ST3GAL2: variants seen among roughly 807,000 people sequenced by gnomAD.
ST3GAL2 encodes ST3 beta-galactoside alpha-2,3-sialyltransferase 2, also known as CMP-N-acetylneuraminate-beta-galactosamide-alpha-2,3-sialyltransferase 2.
In ST3GAL2, 16 loss-of-function variants were observed where a neutral mutation model predicts 37.5. That is an observed-to-expected ratio of 0.43 (90% CI 0.29 to 0.65). The LOEUF (loss-of-function observed/expected upper bound fraction) is 0.65. Among genes scored for constraint, ST3GAL2 ranks in the 30% least tolerant of loss-of-function variants. ST3GAL2 has a pLI of 0.17. For missense variants in ST3GAL2, 383 were observed against 487.8 expected (o/e 0.79, Z 2.02); for synonymous variants, 238 against 202.9 (o/e 1.17, Z -1.47).
chr16:70,381,913 G>T (rs370359971), intron 6 of ST3GAL2, 51 bp from the exon 7 acceptor site: 6 of 1,602,768 alleles, frequency 3.7e-6, no homozygotes, highest in Non-Finnish European at 5.1e-6. Context: ...CTGGAGGATG[G>T]CGCGGGGCGG....
At chr16:70,397,581 C>T (rs2151663432) in intron 2 of ST3GAL2, among the ~76,000 whole-genome samples, 1 of 151,830 alleles carries the variant, frequency 6.6e-6, no homozygotes, top group South Asian at 2.1e-4. Flanking sequence ...AAAAAATTAG[C>T]TGAGAGGGGT....
Position 70,381,776 on chromosome 16 carries a change from C to T in ST3GAL2, c.966G>A (p.Lys322=). 1 of 1,614,108 alleles carries T rather than the reference C, an allele frequency of 6.2e-7. No homozygotes were observed. Among genetic ancestry groups the T allele is most frequent in the Non-Finnish European group, 8.5e-7 (1 of 1,179,958 alleles). Residue 322 remains lysine, a synonymous_variant, in exon 7 of 7, where the codon AAG becomes AAA. Coordinates refer to ENST00000342907, the MANE Select transcript of ST3GAL2 (RefSeq NM_006927.4). ...ENNRYAGEFR[K]TGVHDADFEA... ...CGAAGTCCGCGTCGTGCACGCCAGTCTTCCGGAACTCGCCCGCGTACCGGT... is the reference window on the plus strand; with the variant it reads ...CGAAGTCCGCGTCGTGCACGCCAGTTTTCCGGAACTCGCCCGCGTACCGGT...
intron 3 of ST3GAL2, among the ~76,000 whole-genome samples, chr16:70,389,022 C>T (rs1288139087): frequency 3.5e-5 from 5 of 143,104 alleles, no homozygotes; most frequent in Admixed American, 2.1e-4. Context: ...TGCAGTGAGC[C>T]GACATCGCAC....
chr16:70,427,458 C>A (rs1178491756), intron 1 of ST3GAL2, among the ~76,000 whole-genome samples: 2 of 152,054 alleles, frequency 1.3e-5, no homozygotes, highest in Middle Eastern at 3.4e-3. Context: ...CCTGCCTCAG[C>A]CTCCCAAGTA....
Position 70,398,214 on chromosome 16 carries a change from G to A in ST3GAL2, c.317C>T (p.Pro106Leu), listed in dbSNP as rs532088665. The change falls in exon 2 of 7, where the codon CCG (proline) becomes CTG (leucine). Residue 106 changes from proline (P) to leucine (L), a missense_variant. Physicochemically the swap from Pro to Leu is moderately conservative, Grantham distance 98. Coordinates refer to ENST00000342907, the MANE Select transcript of ST3GAL2 (RefSeq NM_006927.4). ...VWTRENMDLP[P>L]DVQRWWMMLQ... Reference sequence around the variant, plus strand: ...TACCATCCACCACCTCTGGACGTCCGGTGGAAGATCCATGTTCTCTCGGGT... The same window carrying A: ...TACCATCCACCACCTCTGGACGTCCAGTGGAAGATCCATGTTCTCTCGGGT... 2.2e-5 allele frequency: 36 copies of A among 1,613,202 alleles called. No homozygotes were observed. Among genetic ancestry groups the A allele is most frequent in the Admixed American group, 6.7e-5 (4 of 60,022 alleles).
chr16:70,388,426 G>A lies in ST3GAL2; in HGVS notation c.654C>T (p.Pro218=), dbSNP rs2047457653. ...TCCACAGAAGGTCCAGGACCTTGAAGGGCACCAGCACGAAGCTGACGTTGG... is the reference window on the plus strand; with the variant it reads ...TCCACAGAAGGTCCAGGACCTTGAAAGGCACCAGCACGAAGCTGACGTTGG... ...LPANVSFVLV[P]FKVLDLLWIA... The change falls in exon 4 of 7, where the codon CCC becomes CCT. Residue 218 remains proline (P), a synonymous_variant. Transcript: ENST00000342907. 1 of 1,614,196 alleles carries A rather than the reference G, an allele frequency of 6.2e-7. No homozygotes were observed. Among genetic ancestry groups the A allele is most frequent in the Non-Finnish European group, 8.5e-7 (1 of 1,180,042 alleles).
chr16:70,396,803 C>A (rs1181211077), intron 2 of ST3GAL2, among the ~76,000 whole-genome samples: 1 of 152,136 alleles, frequency 6.6e-6, no homozygotes, highest in Non-Finnish European at 1.5e-5. Context: ...GTGTGGCAAC[C>A]AGATGGCCTG....
chr16:70,412,249 G>C (rs1208352807), intron 1 of ST3GAL2, among the ~76,000 whole-genome samples: 1 of 152,204 alleles, frequency 6.6e-6, no homozygotes, highest in African/African-American at 2.4e-5. Flanking sequence ...GCTTCTCTAA[G>C]ACATTCTTCT....
Position 70,395,079 on chromosome 16 carries a change from G to A in ST3GAL2, c.436C>T (p.Pro146Ser). ...ACGGCACAGCGCCGGCACTGGTGGGGGTCCCGGAAGCGGTAGGGGTTCTCG... is the reference window on the plus strand; with the variant it reads ...ACGGCACAGCGCCGGCACTGGTGGGAGTCCCGGAAGCGGTAGGGGTTCTCG... Reference protein sequence around the residue: ...PGENPYRFRDPHQCRRCAVVG... With the variant: ...PGENPYRFRDSHQCRRCAVVG... The change falls in exon 3 of 7, where the codon CCC becomes TCC. Residue 146 changes from proline to serine, a missense_variant. By Grantham distance (74) the Pro-to-Ser change is moderately conservative. Around this residue, in one of 2 missense-constraint regions of ST3GAL2, gnomAD observed 223 missense variants for 239.1 expected, o/e 0.93. Coordinates refer to ENST00000342907, the MANE Select transcript of ST3GAL2 (RefSeq NM_006927.4). 1 of 1,613,988 alleles carries A rather than the reference G, an allele frequency of 6.2e-7. No homozygotes were observed. Among genetic ancestry groups the A allele is most frequent in the African/African-American group, 1.3e-5 (1 of 75,072 alleles).
intron 1 of ST3GAL2, among the ~76,000 whole-genome samples, chr16:70,424,652 A>G (rs1359832677): frequency 6.6e-6 from 1 of 152,208 alleles, no homozygotes; most frequent in East Asian, 1.9e-4. Flanking sequence ...TGCCAATGAA[A>G]TGGAAAATGG....
intron 1 of ST3GAL2, among the ~76,000 whole-genome samples, chr16:70,413,941 G>A (rs1567673974): frequency 6.6e-6 from 1 of 152,066 alleles, no homozygotes; most frequent in Non-Finnish European, 1.5e-5. Flanking sequence ...GAGACCAGCA[G>A]GCCTGCAGCT....
chr16:70,394,855 C>CT, intron 3 of ST3GAL2, 127 bp downstream of exon 3: 1 of 1,072,732 alleles, frequency 9.3e-7, no homozygotes. Context: ...GTGAAAGACT[C>CT]TGGGAGGCAG....
chr16:70,383,848 T>A (rs2047423482), intron 4 of ST3GAL2, among the ~76,000 whole-genome samples: 1 of 151,120 alleles, frequency 6.6e-6, no homozygotes, highest in African/African-American at 2.4e-5. Context: ...GCATCCAAGA[T>A]AAAATGGGAA....
intron 1 of ST3GAL2, among the ~76,000 whole-genome samples, chr16:70,418,029 A>G (rs1440039717): frequency 6.6e-6 from 1 of 152,186 alleles, no homozygotes; most frequent in East Asian, 1.9e-4. Flanking sequence ...CCGTAGATGT[A>G]TAATAAGGAG....
chr16:70,382,327 G>T (rs1003835614), intron 6 of ST3GAL2, among the ~76,000 whole-genome samples: 3 of 151,974 alleles, frequency 2.0e-5, no homozygotes, highest in African/African-American at 7.3e-5. Flanking sequence ...CTGTCGCCCA[G>T]GCTGGAGTGC....
At chr16:70,408,294 C>T (rs1157419513) in intron 1 of ST3GAL2, among the ~76,000 whole-genome samples, 1 of 152,118 alleles carries the variant, frequency 6.6e-6, no homozygotes, top group Non-Finnish European at 1.5e-5. Flanking sequence ...TGGGGTACAA[C>T]CATCAAAACA....
At chr16:70,397,153 G>A (rs2047522655) in intron 2 of ST3GAL2, among the ~76,000 whole-genome samples, 1 of 148,100 alleles carries the variant, frequency 6.8e-6, no homozygotes, top group African/African-American at 2.5e-5. Context: ...CGATTCTCCT[G>A]CCTCAGCCTC....
In ST3GAL2 at chr16:70,380,107, G is replaced by C. The variant is rs1318652086; in HGVS notation, c.*1582C>G. The C allele has an allele frequency of 6.6e-6, 1 of 152,164 alleles. No homozygotes were observed. The highest frequency in any genetic ancestry group is 1.5e-5 in the Non-Finnish European group (1 of 68,140). 9.4% of individuals were successfully genotyped at this position (152,164 alleles called of 1,614,324 possible). A position where few individuals can be genotyped will look rare whatever the true frequency, so the allele number is the denominator to read the frequency against. ...CCTAGCTCTCTAAAACGGTGGGGGA[G>C]GGGGGAGCGCCCTGAGAGAGGCATT... On this transcript the variant is annotated 3_prime_UTR_variant, in exon 7 of 7. Coordinates refer to ENST00000342907, the MANE Select transcript of ST3GAL2 (RefSeq NM_006927.4).
Position 70,388,560 on chromosome 16 carries a change from A to T in ST3GAL2, c.534-14T>A. 1 of 1,557,456 alleles carries T rather than the reference A, an allele frequency of 6.4e-7. No individual in the cohort carries two copies. Among genetic ancestry groups the T allele is most frequent in the South Asian group, 1.2e-5 (1 of 82,834 alleles). ...GCCTGATTCATCCTGCAGGGACAAG[A>T]GGGTGACATGAGAATCAACTGCCAT... On this transcript the variant is annotated splice_polypyrimidine_tract_variant and intron_variant, in intron 3 of 6. Coordinates refer to ENST00000342907, the MANE Select transcript of ST3GAL2 (RefSeq NM_006927.4).
Sources: allele counts gnomAD v4.1 joint callset (sites outside exome capture counted in the v4.1 genomes callset), GRCh38; gene constraint gnomAD v4.1.1; regional missense constraint gnomAD v4.1.1; transcripts MANE v1.5; gene names NCBI Gene and HGNC (gene_info 2026-07-23, HGNC 2026-07-21).